The following IQCH variants were observed in gnomAD, a reference collection of about 807,000 sequenced individuals.
IQCH encodes the protein IQ motif containing H.
In IQCH, 98 loss-of-function variants were observed where a neutral mutation model predicts 117.0. The ratio of observed to expected loss-of-function variants is 0.84; its 90% CI spans 0.71 to 0.99. IQCH has a LOEUF of 0.99. Among genes scored for constraint, IQCH ranks in the 50% least tolerant of loss-of-function variants. The pLI is 0.00. For synonymous variants in IQCH, 412 were observed against 448.2 expected, an observed-to-expected ratio of 0.92 and a Z score of 1.02; for missense variants, 1,102 against 1,243.8, an observed-to-expected ratio of 0.89 and a Z score of 1.72.
At chr15:67,486,893 A>T in intron 18 of IQCH, among the ~76,000 whole-genome samples, 1 of 152,220 alleles carries the variant, frequency 6.6e-6, no homozygotes, top group East Asian at 1.9e-4. Flanking sequence ...CTCAATTTGT[A>T]CCACTAGCAT....
chr15:67,434,930 C>T (rs1020722628), intron 16 of IQCH, among the ~76,000 whole-genome samples: 4 of 151,182 alleles, frequency 2.6e-5, no homozygotes, highest in Non-Finnish European at 5.9e-5. Context: ...CGCGTCACCA[C>T]GCCTGTATTT....
At chr15:67,320,626 T>C (rs894616989) in intron 4 of IQCH, among the ~76,000 whole-genome samples, 1 of 152,210 alleles carries the variant, frequency 6.6e-6, no homozygotes, top group African/African-American at 2.4e-5. Flanking sequence ...GGGTCCAGTG[T>C]GTCTCAAGCT....
chr15:67,271,160 G>C (rs1458655388), intron 3 of IQCH, among the ~76,000 whole-genome samples: 1 of 152,186 alleles, frequency 6.6e-6, no homozygotes, highest in African/African-American at 2.4e-5. Flanking sequence ...AGTAGAGACA[G>C]GGTTTCACCA....
At position 67,481,192 on chromosome 15, in the gene IQCH, A is replaced by G. The variant is rs989419079; in HGVS notation, c.2799+5374A>G. 6.6e-6 allele frequency among the ~76,000 whole-genome samples: 1 copy of G among 152,200 alleles called. No homozygotes were observed. The highest frequency in any genetic ancestry group is 2.4e-5 in the African/African-American group (1 of 41,464). ...CAAAGATTATGGCATCCAGTACTGT[A>G]TTAGTCTGTTCTCATGCTGCTATAA... On this transcript the variant is annotated intron_variant, in intron 18 of 20. Transcript: ENST00000335894. The surrounding 1 kb of genome is among the most constrained non-coding windows in gnomAD (Gnocchi z 4.1).
chr15:67,374,107 T>A (rs1970657829), intron 10 of IQCH: 1 of 152,282 alleles, frequency 6.6e-6, no homozygotes, highest in Admixed American at 6.5e-5. Flanking sequence ...TATGCCAAAA[T>A]GACATTGGGA....
chr15:67,281,612 C>T (rs1221781921), intron 4 of IQCH: 1 of 444,910 alleles, frequency 2.2e-6, no homozygotes, highest in East Asian at 7.0e-5. Context: ...GTATCAGACT[C>T]AATCTCTCCC....
chr15:67,325,555 A>G (rs1446458101), intron 4 of IQCH, among the ~76,000 whole-genome samples: 1 of 152,128 alleles, frequency 6.6e-6, no homozygotes, highest in African/African-American at 2.4e-5. Flanking sequence ...GTATGTACAT[A>G]TAATTATTTA....
At chr15:67,282,413 C>T (rs1037916386) in intron 4 of IQCH, among the ~76,000 whole-genome samples, 1 of 151,036 alleles carries the variant, frequency 6.6e-6, no homozygotes, top group Non-Finnish European at 1.5e-5. Flanking sequence ...TGAATCCTGG[C>T]TAATGTTCAT....
rs919807020 is a variant in IQCH at position 67,384,910 on chromosome 15, G to A, written c.1373-26G>A. On this transcript the variant is annotated intron_variant, in intron 10 of 20. Transcript: ENST00000335894. This position sits in a 1 kb window ranked among gnomAD's most constrained non-coding sequence, Gnocchi z 4.3. Reference sequence around the variant, plus strand: ...TGCTATATCGACTTGCTCTTTCTGTGTTTTGACACCTTGTTTGCCTTTTAG... The same window carrying A: ...TGCTATATCGACTTGCTCTTTCTGTATTTTGACACCTTGTTTGCCTTTTAG... The A allele has an allele frequency of 6.8e-7, 1 of 1,460,778 alleles. No homozygotes were observed. Among genetic ancestry groups the A allele is most frequent in the Non-Finnish European group, 9.6e-7 (1 of 1,041,268 alleles). The allele number at this position is 1,460,778 out of a possible 1,614,324, so 90.5% of individuals were successfully genotyped here. A position where few individuals can be genotyped will look rare whatever the true frequency, so the allele number is the denominator to read the frequency against.
In IQCH at chr15:67,313,890, C is replaced by T. The variant is rs573910106; in HGVS notation, c.388-23085C>T. ...TTAGTTATTAAACTTTATTTCCTCT[C>T]CCTTTGGCTATAAAGCAATAGTACT... On this transcript the variant is annotated intron_variant, in intron 4 of 20. Transcript: ENST00000335894. Among the ~76,000 whole-genome samples the T allele has an allele frequency of 2.6e-5, 4 of 152,302 alleles. No homozygotes were observed. In the South Asian group the frequency reaches 8.3e-4, roughly 32 times the overall value.
At chr15:67,314,830 A>T (rs1967771268) in intron 4 of IQCH, among the ~76,000 whole-genome samples, 1 of 152,238 alleles carries the variant, frequency 6.6e-6, no homozygotes, top group African/African-American at 2.4e-5. Flanking sequence ...ATGTGTGATC[A>T]GATAATTTTC....
chr15:67,329,594 G>A (rs1220410346), intron 4 of IQCH, among the ~76,000 whole-genome samples: 4 of 151,976 alleles, frequency 2.6e-5, no homozygotes, highest in Non-Finnish European at 5.9e-5. Context: ...ACCTCACTCA[G>A]CCTCCCAAGT....
rs1048190712 is a variant in IQCH, at chr15:67,403,946, T to A, written c.2097+3641T>A. 1.3e-5 allele frequency: 2 copies of A among 152,258 alleles called. No individual in the cohort carries two copies. The highest frequency in any genetic ancestry group is 4.8e-5 in the African/African-American group (2 of 41,464). The allele number at this position is 152,258 out of a possible 1,614,324, so 9.4% of individuals were successfully genotyped here. A position where few individuals can be genotyped will look rare whatever the true frequency, so the allele number is the denominator to read the frequency against. On this transcript the variant is annotated intron_variant, in intron 14 of 20. Transcript: ENST00000335894. The surrounding 1 kb of genome is among the most constrained non-coding windows in gnomAD (Gnocchi z 4.8). ...TACTTTCAAGTTTCTCTGCAGCCCT[T>A]CGTTGGGCCTCTGTTACCCTGGAGA...
At chr15:67,495,373 T>C (rs1442548431) in intron 20 of IQCH, among the ~76,000 whole-genome samples, 3 of 152,234 alleles carry the variant, frequency 2.0e-5, no homozygotes, top group Non-Finnish European at 4.4e-5. Context: ...TTTTGTTTTG[T>C]TTTGTTTTAA....
chr15:67,359,748 AAAT>A lies in IQCH; in HGVS notation c.715-98_715-96del, dbSNP rs1970053493. 9.5e-7 allele frequency: 1 copy of A among 1,049,034 alleles called. No homozygotes were observed. Among genetic ancestry groups the A allele is most frequent in the South Asian group, 1.3e-5 (1 of 78,820 alleles). The allele number at this position is 1,049,034 out of a possible 1,614,324, so 65.0% of individuals were successfully genotyped here. On this transcript the variant is annotated intron_variant, in intron 7 of 20. Coordinates refer to ENST00000335894, the MANE Select transcript of IQCH (RefSeq NM_001031715.3). This position sits in a 1 kb window ranked among gnomAD's most constrained non-coding sequence, Gnocchi z 4.5. ...AGAGAACAGGCTGGCCCAGCGGGTA[AAAT>A]GGGGAAGGGGGTGAGGCTCTGAGCC...
At position 67,318,380 on chromosome 15, in the gene IQCH, A is replaced by G. The variant is rs577474682; in HGVS notation, c.388-18595A>G. 3.9e-5 allele frequency among the ~76,000 whole-genome samples: 6 copies of G among 152,334 alleles called. No homozygotes were observed. The South Asian group carries it at 1.0e-3, about 26-fold the overall frequency. On this transcript the variant is annotated intron_variant, in intron 4 of 20. Coordinates refer to ENST00000335894, the MANE Select transcript of IQCH (RefSeq NM_001031715.3). ...GAAGAAAACTCCAAAACTTTAATGA[A>G]CAACATCAGAGAACACTTGAATAAA...
chr15:67,470,615 T>C lies in IQCH; in HGVS notation c.2677-5081T>C, dbSNP rs376622902. On this transcript the variant is annotated intron_variant, in intron 17 of 20. Transcript: ENST00000335894. ...CCATCTAGAAAAGCTTGACTATGTT[T>C]TTTAAAAAATAAACAGTTCACACAC... Among the ~76,000 whole-genome samples the C allele has an allele frequency of 2.6e-5, 4 of 152,208 alleles. No homozygotes were observed. The South Asian group carries it at 8.3e-4, about 32-fold the overall frequency.
intron 16 of IQCH, among the ~76,000 whole-genome samples, chr15:67,434,956 AT>A (rs1342673676): frequency 2.9e-5 from 4 of 139,932 alleles, no homozygotes; most frequent in Admixed American, 7.1e-5. Flanking sequence ...TTTTTTTTTA[AT>A]TTTTTTGTAT....
At chr15:67,269,789 T>A (rs1965826367) in intron 3 of IQCH, among the ~76,000 whole-genome samples, 1 of 152,192 alleles carries the variant, frequency 6.6e-6, no homozygotes, top group African/African-American at 2.4e-5. Context: ...TCTAGTTCCA[T>A]CCATGTTGCT....
Sources: allele counts gnomAD v4.1 joint callset (sites outside exome capture counted in the v4.1 genomes callset), GRCh38; gene constraint gnomAD v4.1.1; non-coding constraint Gnocchi (gnomAD v3.1); transcripts MANE v1.5; gene names NCBI Gene and HGNC (gene_info 2026-07-23, HGNC 2026-07-21).